Variants in TANGO2 observed in about 807,000 individuals in gnomAD.
TANGO2 encodes transport and golgi organization 2 homolog, also known as transport and Golgi organization protein 2 homolog.
A neutral mutation model predicts 39.1 loss-of-function variants in TANGO2; 26 were observed. The observed-to-expected ratio is 0.67, with a 90% CI of 0.49 to 0.92. The LOEUF is 0.92. TANGO2 is among the 40% of genes least tolerant of loss of function. The pLI, the probability that TANGO2 is intolerant of heterozygous loss-of-function variation, is 0.00. For synonymous variants in TANGO2, 131 were observed against 144.5 expected (o/e 0.91, Z 0.67); for missense variants, 326 against 360.1 (o/e 0.91, Z 0.77).
intron 3 of TANGO2, among the ~76,000 whole-genome samples, chr22:20,050,368 T>G (rs695500): frequency 0.06 from 8,552 of 142,320 alleles, 453 homozygotes; most frequent in South Asian, 0.11. Context: ...GTTTTTTTTT[T>G]TTTTTTTTTT....
intron 1 of TANGO2, among the ~76,000 whole-genome samples, chr22:20,027,125 G>A (rs2040912373): frequency 6.6e-6 from 1 of 152,168 alleles, no homozygotes; most frequent in South Asian, 2.1e-4. Flanking sequence ...TCACACGGCT[G>A]GAGCAGGAGG....
chr22:20,049,915 A>T lies in TANGO2; in HGVS notation c.146-2550A>T, dbSNP rs539649684. Among the ~76,000 whole-genome samples the T allele has an allele frequency of 7.2e-5, 11 of 152,158 alleles. No individual in the cohort carries two copies. The South Asian group carries it at 2.1e-3, about 29-fold the overall frequency. ...CAGTGAAACAAATAATAACAAGAAG[A>T]AACACTGTTGAGGCTGGGCACGGTG... On this transcript the variant is annotated intron_variant, in intron 3 of 8. Coordinates refer to ENST00000327374, the MANE Select transcript of TANGO2 (RefSeq NM_152906.7).
chr22:20,018,229 C>T (rs1277252176), upstream of TANGO2, among the ~76,000 whole-genome samples: 1 of 152,242 alleles, frequency 6.6e-6, no homozygotes, highest in Admixed American at 6.5e-5. Flanking sequence ...GGAGCTGGCA[C>T]TTGACGTGCC....
At chr22:20,040,500 G>A (rs2147168590) in intron 2 of TANGO2, among the ~76,000 whole-genome samples, 1 of 152,316 alleles carries the variant, frequency 6.6e-6, no homozygotes, top group African/African-American at 2.4e-5. Flanking sequence ...AGCAGAGGAG[G>A]AAGGTATTTA....
chr22:20,053,615 C>T, intron 5 of TANGO2, 64 bp downstream of exon 5: 2 of 1,112,382 alleles, frequency 1.8e-6, no homozygotes, highest in South Asian at 1.3e-5. Context: ...GCCTCAGGCT[C>T]ATCAGGAAGT....
chr22:20,017,566 T>A (rs1056578701), upstream of TANGO2, among the ~76,000 whole-genome samples: 1 of 152,160 alleles, frequency 6.6e-6, no homozygotes, highest in African/African-American at 2.4e-5. Context: ...CCGCCCTTTC[T>A]TACCTCCTCC....
chr22:20,026,682 T>C (rs1202957815), intron 1 of TANGO2, among the ~76,000 whole-genome samples: 1 of 152,254 alleles, frequency 6.6e-6, no homozygotes, highest in Admixed American at 6.5e-5. Context: ...GACAAAGGCC[T>C]AGCAGTCAGT....
At chr22:20,020,405 G>C (rs2039483385), upstream of TANGO2, among the ~76,000 whole-genome samples, 1 of 152,070 alleles carries the variant, frequency 6.6e-6, no homozygotes, top group Non-Finnish European at 1.5e-5. Context: ...TGTCCTGTTG[G>C]GAGGGCCCCA....
chr22:20,049,519 G>A lies in TANGO2; in HGVS notation c.146-2946G>A, dbSNP rs150472889. 8.2e-3 allele frequency among the ~76,000 whole-genome samples: 1,243 copies of A among 152,232 alleles called. 23 individuals are homozygous for A. Among genetic ancestry groups the A allele is most frequent in the African/African-American group, 0.028 (1,175 of 41,538 alleles). On this transcript the variant is annotated intron_variant, in intron 3 of 8. Transcript: ENST00000327374. ...CTACTAAAAATACAAAATTAGCTGG[G>A]TGTGGTGGTCCATGCCTGTAATCCC...
At chr22:20,028,562 C>T (rs1875179051) in intron 1 of TANGO2, among the ~76,000 whole-genome samples, 1 of 152,220 alleles carries the variant, frequency 6.6e-6, no homozygotes, top group Admixed American at 6.5e-5. Context: ...GGCTGGGGCA[C>T]AGAGAGGCTG....
intron 8 of TANGO2, among the ~76,000 whole-genome samples, chr22:20,063,763 G>A (rs1487557831): frequency 6.6e-6 from 1 of 152,268 alleles, no homozygotes; most frequent in Non-Finnish European, 1.5e-5. Flanking sequence ...GTACCCTTGG[G>A]TGGTGGCTGC....
chr22:20,053,430 C>T lies in TANGO2; in HGVS notation c.266-7C>T. 6.3e-7 allele frequency: 1 copy of T among 1,590,520 alleles called. No individual in the cohort carries two copies. On this transcript the variant is annotated splice_polypyrimidine_tract_variant and splice_region_variant and intron_variant, in intron 4 of 8. Transcript: ENST00000327374. ...CTGTGGACACAGCATCTGTCCCCTG[C>T]CTACAGGTGAACTTGTCACCCACTT...
At chr22:20,031,595 G>T (rs964031944) in intron 1 of TANGO2, among the ~76,000 whole-genome samples, 1 of 152,210 alleles carries the variant, frequency 6.6e-6, no homozygotes, top group Admixed American at 6.5e-5. Context: ...GCCTGGTGAG[G>T]CCTGGCCATG....
Position 20,053,567 on chromosome 22 carries a change from G to T in TANGO2, c.380+16G>T, listed in dbSNP as rs2046801407. On this transcript the variant is annotated intron_variant, in intron 5 of 8. Coordinates refer to ENST00000327374, the MANE Select transcript of TANGO2 (RefSeq NM_152906.7). ...CCGACCTGAGGTGGGTCTGCCAGAGGGGGATGGCGGCTCTGCCCAGCACTG... is the reference window on the plus strand; with the variant it reads ...CCGACCTGAGGTGGGTCTGCCAGAGTGGGATGGCGGCTCTGCCCAGCACTG... The T allele has an allele frequency of 3.2e-6, 5 of 1,549,314 alleles. No individual in the cohort carries two copies. The highest frequency in any genetic ancestry group is 1.1e-5 in the South Asian group (1 of 89,692).
upstream of TANGO2, among the ~76,000 whole-genome samples, chr22:20,019,596 C>G (rs1277134136): frequency 1.3e-5 from 2 of 152,240 alleles, no homozygotes; most frequent in Non-Finnish European, 2.9e-5. Flanking sequence ...TACTGCATCC[C>G]TCTTTGTGGG....
chr22:20,050,357 G>GTTTTTTTTT lies in TANGO2; in HGVS notation c.146-2108_146-2107insTTTTTTTTT, dbSNP rs1491540119. On this transcript the variant is annotated intron_variant, in intron 3 of 8. Transcript: ENST00000327374. ...ATTTTTCATTAAATATTTTCCTGGT[G>GTTTTTTTTT]GTTTTTTTTTTTTTTTTTTTTTTTG... Among the ~76,000 whole-genome samples, 4 of 69,204 alleles carry GTTTTTTTTT rather than the reference G, an allele frequency of 5.8e-5. 1 individual carries two copies. Among genetic ancestry groups the GTTTTTTTTT allele is most frequent in the Non-Finnish European group, 1.1e-4 (4 of 37,892 alleles). The allele number at this position is 69,204 out of a possible 152,430, so 45.4% of individuals were successfully genotyped here. A position where few individuals can be genotyped will look rare whatever the true frequency, so the allele number is the denominator to read the frequency against.
intron 6 of TANGO2, among the ~76,000 whole-genome samples, chr22:20,060,177 G>A (rs1336723763): frequency 2.0e-5 from 3 of 151,850 alleles, no homozygotes; most frequent in Admixed American, 6.6e-5. Flanking sequence ...GTGAAACCCC[G>A]TCTCTACTAA....
Position 20,064,603 on chromosome 22 carries a change from A to T in TANGO2, c.772A>T (p.Met258Leu). 3.7e-6 allele frequency: 6 copies of T among 1,614,174 alleles called. No individual in the cohort carries two copies. The highest frequency in any genetic ancestry group is 5.1e-6 in the Non-Finnish European group (6 of 1,180,002). The change falls in exon 9 of 9, where the codon ATG (methionine) becomes TTG (leucine). Residue 258 changes from methionine to leucine, a missense_variant. By Grantham distance (15) the Met-to-Leu change is conservative (BLOSUM62 2). Transcript: ENST00000327374. ...CGTGACCTTCACTGAGCGTAGCATG[A>T]TGGACAAGGACCTCTCCCACTGGGA... Reference protein sequence around the residue: ...GHVTFTERSMMDKDLSHWETR... With the variant: ...GHVTFTERSMLDKDLSHWETR...
At chr22:20,049,351 T>G (rs1018247573) in intron 3 of TANGO2, among the ~76,000 whole-genome samples, 3 of 152,206 alleles carry the variant, frequency 2.0e-5, no homozygotes, top group Non-Finnish European at 4.4e-5. Context: ...CTATGAGTGC[T>G]GCTGCTTTTT....
Sources: allele counts gnomAD v4.1 joint callset (sites outside exome capture counted in the v4.1 genomes callset), GRCh38; gene constraint gnomAD v4.1.1; transcripts MANE v1.5; gene names NCBI Gene and HGNC (gene_info 2026-07-23, HGNC 2026-07-21).